Variants in PTGIS observed in about 807,000 individuals in gnomAD.
PTGIS encodes the protein prostaglandin I2 synthase, also known as prostacyclin synthase.
In PTGIS, 45 loss-of-function variants were observed where a neutral mutation model predicts 50.3. The ratio of observed to expected loss-of-function variants is 0.90; its 90% CI spans 0.70 to 1.15. The LOEUF (loss-of-function observed/expected upper bound fraction) is 1.15, where lower values mean the gene tolerates loss of function less well. Ranked by LOEUF, PTGIS falls within the 50% of genes most tolerant of loss-of-function variation. The pLI, the probability that PTGIS is intolerant of heterozygous loss-of-function variation, is 0.00. For missense variants in PTGIS, 668 were observed against 661.3 expected (o/e 1.01, Z -0.11); for synonymous variants, 260 against 267.7 (o/e 0.97, Z 0.28).
intron 6 of PTGIS, among the ~76,000 whole-genome samples, chr20:49,516,407 A>G (rs554457863): frequency 1.3e-5 from 2 of 152,216 alleles, no homozygotes; most frequent in South Asian, 4.2e-4. Context: ...CCTCCCAAGT[A>G]GCTGATACAA....
intron 1 of PTGIS, among the ~76,000 whole-genome samples, chr20:49,565,753 T>C (rs867602878): frequency 1.6e-4 from 25 of 152,322 alleles, no homozygotes; most frequent in African/African-American, 5.5e-4. Context: ...GCCTGTTTCC[T>C]CCTCTGTAAA....
intron 6 of PTGIS, among the ~76,000 whole-genome samples, chr20:49,522,507 T>A (rs1981676134): frequency 6.6e-6 from 1 of 152,058 alleles, no homozygotes; most frequent in Admixed American, 6.6e-5. Context: ...AAGGATTTTT[T>A]TTAAGAGGTG....
At chr20:49,516,436 G>A (rs558759369) in intron 6 of PTGIS, among the ~76,000 whole-genome samples, 4 of 151,952 alleles carry the variant, frequency 2.6e-5, no homozygotes, top group African/African-American at 9.7e-5. Context: ...CACCATGCCC[G>A]GCTAATCTTT....
At chr20:49,555,840 T>C (rs1465939890) in intron 1 of PTGIS, among the ~76,000 whole-genome samples, 2 of 152,194 alleles carry the variant, frequency 1.3e-5, no homozygotes, top group East Asian at 3.8e-4. Context: ...TGAGGAGTAC[T>C]CTTAAACATG....
At chr20:49,524,712 A>G (rs1250248710) in intron 5 of PTGIS, among the ~76,000 whole-genome samples, 2 of 152,180 alleles carry the variant, frequency 1.3e-5, no homozygotes, top group Admixed American at 6.6e-5. Flanking sequence ...CACATCTTAC[A>G]TGGCGGCAAG....
intron 1 of PTGIS, among the ~76,000 whole-genome samples, chr20:49,553,860 G>C (rs907193765): frequency 2.6e-5 from 4 of 152,000 alleles, no homozygotes; most frequent in Non-Finnish European, 4.4e-5. Context: ...GAGATGTTTA[G>C]GATAAAACAG....
intron 5 of PTGIS, among the ~76,000 whole-genome samples, chr20:49,525,880 T>G (rs1236694788): frequency 1.3e-5 from 2 of 152,062 alleles, no homozygotes; most frequent in Non-Finnish European, 2.9e-5. Flanking sequence ...ACAGGGCATT[T>G]GAAAGGGTCG....
intron 6 of PTGIS, among the ~76,000 whole-genome samples, chr20:49,522,897 G>A (rs1981688509): frequency 6.6e-6 from 1 of 152,054 alleles, no homozygotes; most frequent in South Asian, 2.1e-4. Context: ...GGTGGCATGC[G>A]CCTGTAGTCC....
At chr20:49,535,621 C>T (rs1237585076) in intron 5 of PTGIS, among the ~76,000 whole-genome samples, 1 of 152,188 alleles carries the variant, frequency 6.6e-6, no homozygotes, top group African/African-American at 2.4e-5. Flanking sequence ...CTCAAGTGAT[C>T]CTCCCACCTC....
At chr20:49,527,182 G>A (rs530486609) in intron 5 of PTGIS, among the ~76,000 whole-genome samples, 9 of 151,444 alleles carry the variant, frequency 5.9e-5, no homozygotes, top group East Asian at 5.8e-4. Flanking sequence ...GGTGGCTCAC[G>A]CCTGCAATCC....
intron 6 of PTGIS, among the ~76,000 whole-genome samples, chr20:49,520,375 C>G (rs561710406): frequency 6.6e-6 from 1 of 152,002 alleles, no homozygotes; most frequent in East Asian, 1.9e-4. Flanking sequence ...ACTCTGTTGC[C>G]CAGGCTGGAG....
At chr20:49,534,443 G>T (rs1982019376) in intron 5 of PTGIS, among the ~76,000 whole-genome samples, 2 of 152,202 alleles carry the variant, frequency 1.3e-5, no homozygotes, top group African/African-American at 4.8e-5. Context: ...ATTGAGAAAT[G>T]CATCCTTCCT....
chr20:49,544,445 A>G lies in PTGIS; in HGVS notation c.381T>C (p.Thr127=). The change falls in exon 4 of 10, where the codon ACT becomes ACC. Residue 127 remains threonine (T), a synonymous_variant. Coordinates refer to ENST00000244043, the MANE Select transcript of PTGIS (RefSeq NM_000961.4). ...GTGCCTGGAGCTCTCTGTGGAGAAG[A>G]GTCCTGAGGCAGGAAACAAAAGCAT... ...PSDEKARMKL[T]LLHRELQALT... is the part of the protein sequence containing the mutation. 1.2e-6 allele frequency: 2 copies of G among 1,614,188 alleles called. No individual in the cohort carries two copies. The highest frequency in any genetic ancestry group is 1.7e-6 in the Non-Finnish European group (2 of 1,180,024).
chr20:49,512,108 G>C (rs1341388677), intron 8 of PTGIS, among the ~76,000 whole-genome samples: 2 of 151,946 alleles, frequency 1.3e-5, no homozygotes, highest in African/African-American at 4.8e-5. Context: ...CGGATGGATA[G>C]ATGGATGGAT....
At chr20:49,559,023 G>C (rs1000909867) in intron 1 of PTGIS, among the ~76,000 whole-genome samples, 1 of 151,964 alleles carries the variant, frequency 6.6e-6, no homozygotes, top group African/African-American at 2.4e-5. Flanking sequence ...AGGAAGCTAG[G>C]CATTCTTAAG....
At chr20:49,555,575 T>C (rs1982606770) in intron 1 of PTGIS, among the ~76,000 whole-genome samples, 1 of 152,242 alleles carries the variant, frequency 6.6e-6, no homozygotes, top group Admixed American at 6.5e-5. Context: ...CTTTGGATTA[T>C]ATTTATATAA....
chr20:49,567,179 G>A (rs894305117), intron 1 of PTGIS, among the ~76,000 whole-genome samples: 4 of 152,208 alleles, frequency 2.6e-5, no homozygotes, highest in African/African-American at 7.2e-5. Flanking sequence ...TAAGTCGAAT[G>A]TATTCAGCTA....
rs78049259 is a variant in PTGIS at position 49,559,262 on chromosome 20, G to A, written c.74+8781C>T. On this transcript the variant is annotated intron_variant, in intron 1 of 9. Transcript: ENST00000244043. ...TTTGTCCCCAGCCCTTGTGGTAGAA[G>A]AGCACACCTCTCCCATGATTTTTAT... Among the ~76,000 whole-genome samples, 8 of 152,248 alleles carry A rather than the reference G, an allele frequency of 5.3e-5. No individual in the cohort carries two copies. The East Asian group carries it at 1.4e-3, about 26-fold the overall frequency.
intron 5 of PTGIS, among the ~76,000 whole-genome samples, chr20:49,529,741 G>C (rs762086338): frequency 6.6e-6 from 1 of 152,160 alleles, no homozygotes; most frequent in Non-Finnish European, 1.5e-5. Flanking sequence ...CACGTCAACT[G>C]TCATGGTATG....
Sources: gnomAD v4.1 joint callset for allele counts (sites outside exome capture counted in the v4.1 genomes callset) on GRCh38, gnomAD v4.1.1 for gene constraint, MANE v1.5 for transcripts, NCBI Gene and HGNC (gene_info 2026-07-23, HGNC 2026-07-21) for gene names.